BAALC: variants seen among roughly 807,000 people sequenced by gnomAD.
The protein encoded by BAALC is brain and acute leukemia cytoplasmic protein.
BAALC carries 9 observed loss-of-function variants against 15.5 expected under a neutral mutation model. The ratio of observed to expected loss-of-function variants is 0.58; its 90% confidence interval spans 0.35 to 1.02. The LOEUF (loss-of-function observed/expected upper bound fraction) is 1.02, where lower values mean the gene tolerates loss of function less well. Among genes scored for constraint, BAALC ranks in the 50% least tolerant of loss-of-function variants. The probability of loss-of-function intolerance (pLI) is 0.02; values close to 1 mark genes in which losing one functional copy is unlikely to be tolerated. For synonymous variants in BAALC, 80 were observed against 74.6 expected (o/e 1.07, Z -0.37); for missense variants, 201 against 192.4 (o/e 1.04, Z -0.27).
At chr8:103,172,268 G>C (rs1811513843) in intron 1 of BAALC, 1 of 151,726 alleles carries the variant, frequency 6.6e-6, no homozygotes, top group Non-Finnish European at 1.5e-5. Context: ...AATGGTTGTT[G>C]GTGAATTACA....
chr8:103,218,082 CA>C (rs1812600111), intron 2 of BAALC, among the ~76,000 whole-genome samples: 1 of 152,168 alleles, frequency 6.6e-6, no homozygotes, highest in South Asian at 2.1e-4. Flanking sequence ...AACTGCTTTC[CA>C]AAGGGTGATG....
intron 1 of BAALC, among the ~76,000 whole-genome samples, chr8:103,205,141 A>G (rs1812300148): frequency 6.6e-6 from 1 of 152,168 alleles, no homozygotes; most frequent in Non-Finnish European, 1.5e-5. Flanking sequence ...ACCTTCACCA[A>G]GGAAAGCCAG....
Position 103,197,456 on chromosome 8 carries a change from G to A in BAALC, c.161-15463G>A, listed in dbSNP as rs576750214. ...TGATCTTAGATATGAATTGTTTTTC[G>A]AGTCTTTCTATCTTTGTATGCTTAG... On this transcript the variant is annotated intron_variant, in intron 1 of 2. Coordinates refer to ENST00000309982, the MANE Select transcript of BAALC (RefSeq NM_024812.3). Among the ~76,000 whole-genome samples the A allele has an allele frequency of 2.1e-4, 32 of 152,240 alleles. 1 individual carries two copies. Among genetic ancestry groups the A allele is most frequent in the South Asian group, 1.2e-3 (6 of 4,818 alleles).
intron 2 of BAALC, among the ~76,000 whole-genome samples, chr8:103,225,375 G>A (rs1812782289): frequency 6.6e-6 from 1 of 152,188 alleles, no homozygotes; most frequent in Non-Finnish European, 1.5e-5. Context: ...ATCCTTAAAT[G>A]TTCCTCAAAT....
intron 1 of BAALC, among the ~76,000 whole-genome samples, chr8:103,151,880 G>T (rs1161149776): frequency 1.3e-5 from 2 of 151,940 alleles, no homozygotes; most frequent in Non-Finnish European, 1.5e-5. Context: ...CTCCTAGTCT[G>T]TCCATTTGAA....
At chr8:103,195,962 C>T (rs1275932396) in intron 1 of BAALC, among the ~76,000 whole-genome samples, 2 of 152,136 alleles carry the variant, frequency 1.3e-5, no homozygotes, top group Admixed American at 1.3e-4. Flanking sequence ...GAGTCCAACC[C>T]GGTCTTGAGG....
At chr8:103,146,811 T>C (rs1216384007) in intron 1 of BAALC, among the ~76,000 whole-genome samples, 1 of 152,144 alleles carries the variant, frequency 6.6e-6, no homozygotes, top group Non-Finnish European at 1.5e-5. Flanking sequence ...AAGAGACAAG[T>C]GGTAACAAAC....
chr8:103,143,986 A>C (rs538348029), intron 1 of BAALC, among the ~76,000 whole-genome samples: 1 of 152,264 alleles, frequency 6.6e-6, no homozygotes, highest in African/African-American at 2.4e-5. Context: ...ACCCTACTCC[A>C]TTCAAACACC....
intron 1 of BAALC, among the ~76,000 whole-genome samples, chr8:103,169,394 G>A (rs148962335): frequency 2.2e-4 from 34 of 152,104 alleles, no homozygotes; most frequent in East Asian, 1.2e-3. Context: ...CCCCCACCCC[G>A]TCTATTTTGT....
chr8:103,214,542 T>G (rs926194515), intron 2 of BAALC, among the ~76,000 whole-genome samples: 1 of 152,252 alleles, frequency 6.6e-6, no homozygotes, highest in Admixed American at 6.5e-5. Context: ...CATTATCTAA[T>G]GATGGAATTC....
At chr8:103,163,287 T>C (rs979923437) in intron 1 of BAALC, among the ~76,000 whole-genome samples, 2 of 152,138 alleles carry the variant, frequency 1.3e-5, no homozygotes, top group African/African-American at 4.8e-5. Context: ...TCTCTTCTCT[T>C]ATCCAGCAGG....
chr8:103,218,410 C>G (rs551481097), intron 2 of BAALC, among the ~76,000 whole-genome samples: 32 of 152,110 alleles, frequency 2.1e-4, no homozygotes, highest in Non-Finnish European at 3.5e-4. Flanking sequence ...TCATCCTACT[C>G]CCTACCTGAG....
chr8:103,178,089 G>A (rs1192146179), intron 1 of BAALC, among the ~76,000 whole-genome samples: 1 of 152,124 alleles, frequency 6.6e-6, no homozygotes, highest in African/African-American at 2.4e-5. Context: ...TACTTAATAG[G>A]TAGTTTCATT....
chr8:103,179,908 G>T (rs1311792868), intron 1 of BAALC, among the ~76,000 whole-genome samples: 1 of 152,224 alleles, frequency 6.6e-6, no homozygotes, highest in African/African-American at 2.4e-5. Context: ...GTCTGATGAG[G>T]ACCAGAGTTC....
intron 2 of BAALC, chr8:103,213,703 A>G (rs1246835075): frequency 6.6e-6 from 1 of 152,590 alleles, no homozygotes. Flanking sequence ...GAGCGCTCTT[A>G]GTAGGCAGGG....
intron 1 of BAALC, among the ~76,000 whole-genome samples, chr8:103,196,796 G>C (rs1309085961): frequency 6.6e-6 from 1 of 152,194 alleles, no homozygotes; most frequent in Non-Finnish European, 1.5e-5. Context: ...CCAGCTGGCT[G>C]TATCCCTGAC....
intron 1 of BAALC, among the ~76,000 whole-genome samples, chr8:103,151,341 C>T (rs1291150071): frequency 6.6e-6 from 1 of 152,160 alleles, no homozygotes; most frequent in Non-Finnish European, 1.5e-5. Context: ...TAACAACAGG[C>T]ATTTATCAGC....
intron 1 of BAALC, chr8:103,200,736 T>C: frequency 1.4e-6 from 1 of 700,606 alleles, no homozygotes; most frequent in Non-Finnish European, 2.6e-6. Context: ...GCTTCAAAGA[T>C]GGCACCTCTT....
intron 2 of BAALC, among the ~76,000 whole-genome samples, chr8:103,224,605 C>A (rs886605260): frequency 7.9e-5 from 12 of 152,028 alleles, no homozygotes; most frequent in Non-Finnish European, 1.5e-4. Flanking sequence ...TCAGGGAGAG[C>A]AGGTTGTAAA....
Sources: gnomAD v4.1 joint callset for allele counts (sites outside exome capture counted in the v4.1 genomes callset) on GRCh38, gnomAD v4.1.1 for gene constraint, MANE v1.5 for transcripts, NCBI Gene and HGNC (gene_info 2026-07-23, HGNC 2026-07-21) for gene names.